Variants in ANO3 observed in about 807,000 individuals in gnomAD.
ANO3 encodes the protein anoctamin 3, also known as anoctamin-3.
Under a neutral mutation model 144.8 loss-of-function variants are expected in ANO3, and 99 were observed. The observed-to-expected ratio is 0.68, with a 90% confidence interval of 0.58 to 0.81. The LOEUF is 0.81. Ranked by LOEUF, ANO3 falls within the 30% of genes least tolerant of loss-of-function variation. The pLI is 0.00. For missense variants in ANO3, 905 were observed against 1,202.2 expected (o/e 0.75, Z 3.66); for synonymous variants, 414 against 392.6 (o/e 1.05, Z -0.64).
At chr11:26,565,538 G>A in intron 14 of ANO3, 1 of 1,613,304 alleles carries the variant, frequency 6.2e-7, no homozygotes, top group Middle Eastern at 1.7e-4. Flanking sequence ...GAGGGCTTGT[G>A]GAAATGGTAG....
chr11:26,452,578 T>C lies in ANO3; in HGVS notation c.313+8742T>C, dbSNP rs1041149486. ...AAAGCCTCCAAGAAATATGGGACTA[T>C]GTGAAAAGACCAAATCTACATCTGA... is the stretch of plus-strand genomic sequence containing the variant. On this transcript the variant is annotated intron_variant, in intron 3 of 26. Transcript: ENST00000256737. 1.2e-4 allele frequency among the ~76,000 whole-genome samples: 18 copies of C among 152,168 alleles called. 1 individual carries two copies. The highest frequency in any genetic ancestry group is 1.5e-5 in the Non-Finnish European group (1 of 68,022).
intron 10 of ANO3, among the ~76,000 whole-genome samples, chr11:26,538,087 C>T (rs372474227): frequency 2.0e-3 from 305 of 152,278 alleles, no homozygotes; most frequent in African/African-American, 7.0e-3. Context: ...TGACTGAGGA[C>T]TCACAGTACA....
intron 4 of ANO3, among the ~76,000 whole-genome samples, chr11:26,502,071 T>C (rs777072622): frequency 1.6e-4 from 25 of 152,376 alleles, no homozygotes; most frequent in Admixed American, 9.1e-4. Flanking sequence ...TCCTTTGCTA[T>C]GGTTCCATAT....
chr11:26,240,928 T>C (rs1852650470), intron 1 of ANO3, among the ~76,000 whole-genome samples: 1 of 152,202 alleles, frequency 6.6e-6, no homozygotes, highest in South Asian at 2.1e-4. Context: ...TGCTTCATCC[T>C]TGATATGGTT....
At chr11:26,220,917 C>T (rs71480115) in intron 1 of ANO3, among the ~76,000 whole-genome samples, 45,815 of 151,868 alleles carry the variant, frequency 0.3, 7,605 homozygotes, top group Non-Finnish European at 0.37. Flanking sequence ...TCACCCCTGA[C>T]TGCCTACAGA....
intron 21 of ANO3, 136 bp downstream of exon 21, chr11:26,639,377 A>G: frequency 1.6e-6 from 1 of 640,848 alleles, no homozygotes; most frequent in South Asian, 1.9e-5. Context: ...CTCCTTACTA[A>G]ATGTCTGCCC....
intron 11 of ANO3, among the ~76,000 whole-genome samples, chr11:26,545,082 C>T (rs1020801691): frequency 6.2e-4 from 95 of 152,076 alleles, no homozygotes; most frequent in African/African-American, 2.2e-3. Flanking sequence ...CTACAAGCCC[C>T]ATTTTTCTAC....
intron 2 of ANO3, among the ~76,000 whole-genome samples, chr11:26,443,079 A>T (rs150015341): frequency 0.013 from 1,951 of 152,050 alleles, 52 homozygotes; most frequent in African/African-American, 0.044. Context: ...TTTATTTTTC[A>T]ATCCTTTTGT....
chr11:26,324,655 C>T (rs1336430929), intron 1 of ANO3, among the ~76,000 whole-genome samples: 1 of 152,156 alleles, frequency 6.6e-6, no homozygotes, highest in East Asian at 1.9e-4. Context: ...ATAGTGAACA[C>T]TTTATTTTAA....
chr11:26,442,733 C>G (rs1383217542), intron 2 of ANO3, among the ~76,000 whole-genome samples: 3 of 152,070 alleles, frequency 2.0e-5, no homozygotes, highest in African/African-American at 7.2e-5. Flanking sequence ...TAAATACAAC[C>G]AAGCTCCCTG....
chr11:26,420,349 T>C (rs565878155), intron 1 of ANO3, among the ~76,000 whole-genome samples: 16 of 152,226 alleles, frequency 1.1e-4, no homozygotes, highest in South Asian at 6.2e-4. Context: ...TGAAGTTATA[T>C]ACCTGTATAT....
chr11:26,595,593 A>G (rs1851600600), intron 14 of ANO3, among the ~76,000 whole-genome samples: 1 of 149,404 alleles, frequency 6.7e-6, no homozygotes, highest in Non-Finnish European at 1.5e-5. Flanking sequence ...GAGTCTCCCT[A>G]TCAATTACTG....
chr11:26,446,853 T>C (rs879292933), intron 3 of ANO3, among the ~76,000 whole-genome samples: 1 of 152,096 alleles, frequency 6.6e-6, no homozygotes, highest in Admixed American at 6.6e-5. Flanking sequence ...AAGCTTATCT[T>C]TCACTCCAAA....
chr11:26,656,490 C>T lies in ANO3; in HGVS notation c.2763+9C>T, dbSNP rs1853693277. 6.6e-7 allele frequency: 1 copy of T among 1,521,198 alleles called. No individual in the cohort carries two copies. The highest frequency in any genetic ancestry group is 9.1e-7 in the Non-Finnish European group (1 of 1,097,548). The allele number at this position is 1,521,198 out of a possible 1,614,324, so 94.2% of individuals were successfully genotyped here. A position where few individuals can be genotyped will look rare whatever the true frequency, so the allele number is the denominator to read the frequency against. On this transcript the variant is annotated intron_variant, in intron 26 of 26. Coordinates refer to ENST00000256737, the MANE Select transcript of ANO3 (RefSeq NM_031418.4). ...TCATTATTGTGTTTGAGGTTAGTCACAAGCTGAGATGAAAATTACTATAGA... is the reference window on the plus strand; with the variant it reads ...TCATTATTGTGTTTGAGGTTAGTCATAAGCTGAGATGAAAATTACTATAGA...
chr11:26,383,264 C>A (rs977447907), intron 1 of ANO3, among the ~76,000 whole-genome samples: 2 of 152,012 alleles, frequency 1.3e-5, no homozygotes, highest in Non-Finnish European at 2.9e-5. Context: ...TCTGGCCAAA[C>A]CTTTTTTTTT....
chr11:26,196,138 T>C, intron 1 of ANO3, among the ~76,000 whole-genome samples: 1 of 152,178 alleles, frequency 6.6e-6, no homozygotes, highest in South Asian at 2.1e-4. Flanking sequence ...CTGAGTTTTC[T>C]AGTTAATTCC....
chr11:26,213,357 G>A (rs1012387695), intron 1 of ANO3, among the ~76,000 whole-genome samples: 3 of 152,040 alleles, frequency 2.0e-5, no homozygotes, highest in African/African-American at 4.8e-5. Context: ...GTTTGCAGAT[G>A]ACATGATTGT....
At chr11:26,596,002 G>C (rs1009450724) in intron 14 of ANO3, among the ~76,000 whole-genome samples, 1 of 152,144 alleles carries the variant, frequency 6.6e-6, no homozygotes. Flanking sequence ...AAGGCTATGG[G>C]TTGTCAGTGG....
At chr11:26,420,072 T>C (rs1857707362) in intron 1 of ANO3, among the ~76,000 whole-genome samples, 1 of 152,084 alleles carries the variant, frequency 6.6e-6, no homozygotes, top group African/African-American at 2.4e-5. Context: ...GAGAGCTTTC[T>C]TCATGTACCT....
Sources: gnomAD v4.1 joint callset for allele counts (sites outside exome capture counted in the v4.1 genomes callset) on GRCh38, gnomAD v4.1.1 for gene constraint, MANE v1.5 for transcripts, NCBI Gene and HGNC (gene_info 2026-07-23, HGNC 2026-07-21) for gene names.